The following FSAF1 variants were observed in gnomAD, a reference collection of about 807,000 sequenced individuals.
The protein encoded by FSAF1 is uncharacterized protein C1orf131.
chr1:231,241,099 G>A, the FSAF1 span: 9 of 1,613,930 alleles, frequency 5.6e-6, no homozygotes, highest in African/African-American at 9.3e-5. Context: ...CCCGGCCCTT[G>A]CTCCTGCGAC....
the FSAF1 span, among the ~76,000 whole-genome samples, chr1:231,231,615 G>T: frequency 6.6e-6 from 1 of 152,064 alleles, no homozygotes. Context: ...GTTTTTGGCC[G>T]ATCTGTTACT....
chr1:231,229,987 A>G, the FSAF1 span, among the ~76,000 whole-genome samples: 2 of 152,178 alleles, frequency 1.3e-5, no homozygotes, highest in Non-Finnish European at 2.9e-5. Context: ...AAATGGCTAA[A>G]ATGGTCAATT....
the FSAF1 span, among the ~76,000 whole-genome samples, chr1:231,228,615 A>AAC: frequency 5.3e-5 from 8 of 151,784 alleles, no homozygotes. Context: ...AAAAAAAAAA[A>AAC]AGTGAATGCA....
At chr1:231,229,630 G>C in the FSAF1 span, among the ~76,000 whole-genome samples, 1 of 152,052 alleles carries the variant, frequency 6.6e-6, no homozygotes, top group Admixed American at 6.6e-5. Flanking sequence ...TTTTGAACGT[G>C]GCATATACAC....
At chr1:231,236,409 T>C in the FSAF1 span, among the ~76,000 whole-genome samples, 1 of 151,768 alleles carries the variant, frequency 6.6e-6, no homozygotes, top group Non-Finnish European at 1.5e-5. Context: ...AGAGCAGCAA[T>C]GACAAATGAA....
the FSAF1 span, chr1:231,229,231 T>C: frequency 1.3e-6 from 2 of 1,493,138 alleles, no homozygotes; most frequent in Admixed American, 3.5e-5. Flanking sequence ...AATTCTTATT[T>C]AGATCATCTG....
the FSAF1 span, among the ~76,000 whole-genome samples, chr1:231,228,955 C>T: frequency 6.6e-6 from 1 of 152,168 alleles, no homozygotes; most frequent in Non-Finnish European, 1.5e-5. Context: ...TGCCATTGCA[C>T]TCAAGCCTGG....
chr1:231,235,283 G>A, the FSAF1 span, among the ~76,000 whole-genome samples: 2 of 152,236 alleles, frequency 1.3e-5, no homozygotes, highest in Non-Finnish European at 2.9e-5. Flanking sequence ...GGCAGATCAC[G>A]AGGTCAAGAT....
chr1:231,233,828 G>A, the FSAF1 span, among the ~76,000 whole-genome samples: 1 of 152,226 alleles, frequency 6.6e-6, no homozygotes, highest in Admixed American at 6.5e-5. Flanking sequence ...CGGGATTAAA[G>A]GCATGAGTCA....
At chr1:231,232,967 T>A in the FSAF1 span, among the ~76,000 whole-genome samples, 2 of 152,212 alleles carry the variant, frequency 1.3e-5, no homozygotes, top group Non-Finnish European at 2.9e-5. Context: ...CACACCTTGA[T>A]GAGCCTAAAT....
chr1:231,230,396 T>C, the FSAF1 span, among the ~76,000 whole-genome samples: 318 of 152,326 alleles, frequency 2.1e-3, 5 homozygotes, highest in East Asian at 0.051. Flanking sequence ...TAAACAGTTC[T>C]TTCAGAAATA....
the FSAF1 span, chr1:231,226,929 T>C: frequency 6.2e-7 from 1 of 1,611,524 alleles, no homozygotes; most frequent in Non-Finnish European, 8.5e-7. Flanking sequence ...CTCTTGCTTT[T>C]TTTGCATGTT....
the FSAF1 span, among the ~76,000 whole-genome samples, chr1:231,226,199 G>A: frequency 7.9e-5 from 12 of 152,062 alleles, no homozygotes; most frequent in African/African-American, 2.7e-4. Context: ...GCTTGGTGCT[G>A]TCCTCATGGT....
At chr1:231,233,617 A>G in the FSAF1 span, among the ~76,000 whole-genome samples, 1 of 152,110 alleles carries the variant, frequency 6.6e-6, no homozygotes, top group Non-Finnish European at 1.5e-5. Flanking sequence ...TAGTGGCACA[A>G]TCTCGACTCA....
At chr1:231,239,241 T>G in the FSAF1 span, 1 of 1,438,582 alleles carries the variant, frequency 7.0e-7, no homozygotes, top group African/African-American at 1.4e-5. Flanking sequence ...TTAGCTATCA[T>G]CAGTATCAAA....
the FSAF1 span, among the ~76,000 whole-genome samples, chr1:231,239,447 C>A: frequency 6.6e-6 from 1 of 152,222 alleles, no homozygotes; most frequent in African/African-American, 2.4e-5. Context: ...TTGGTTCCTA[C>A]TCAAAGTGTC....
chr1:231,234,938 A>G, the FSAF1 span, among the ~76,000 whole-genome samples: 1 of 152,162 alleles, frequency 6.6e-6, no homozygotes, highest in Non-Finnish European at 1.5e-5. The surrounding 1 kb of genome is among the most constrained non-coding windows in gnomAD (Gnocchi z 4.0). Context: ...TTACCTCCTG[A>G]GAGACCTCCC....
the FSAF1 span, among the ~76,000 whole-genome samples, chr1:231,232,993 A>G: frequency 2.0e-5 from 3 of 152,302 alleles, no homozygotes; most frequent in African/African-American, 7.2e-5. Context: ...CAGCTAGATT[A>G]CTTTCTTCCT....
chr1:231,237,763 C>T, the FSAF1 span: 1 of 152,206 alleles, frequency 6.6e-6, no homozygotes, highest in Admixed American at 6.5e-5. Context: ...GGCTTAGAAA[C>T]TAATACGTTC....
Sources: allele counts gnomAD v4.1 joint callset (sites outside exome capture counted in the v4.1 genomes callset), GRCh38; gene constraint gnomAD v4.1.1; non-coding constraint Gnocchi (gnomAD v3.1); transcripts MANE v1.5; gene names NCBI Gene and HGNC (gene_info 2026-07-23, HGNC 2026-07-21).